SRPK2: variants seen among roughly 807,000 people sequenced by gnomAD.
SRPK2 encodes the protein SRSF protein kinase 2.
A neutral mutation model predicts 90.8 loss-of-function variants in SRPK2; 21 were observed. The observed-to-expected ratio is 0.23, with a 90% CI of 0.16 to 0.33. The LOEUF (loss-of-function observed/expected upper bound fraction) is 0.33. SRPK2 is among the 10% of genes least tolerant of loss of function. The pLI is 1.00. For synonymous variants in SRPK2, 288 were observed against 311.1 expected, an observed-to-expected ratio of 0.93 and a Z score of 0.78; for missense variants, 620 against 869.0, an observed-to-expected ratio of 0.71 and a Z score of 3.60.
chr7:105,185,746 ATCCAAGAATAAT>A (rs1485654190), intron 3 of SRPK2, among the ~76,000 whole-genome samples: 1 of 152,194 alleles, frequency 6.6e-6, no homozygotes. Context: ...TAGTTTTATA[ATCCAAGAATAAT>A]TCATGCTTTC....
chr7:105,125,849 C>A, intron 15 of SRPK2: 1 of 1,300,502 alleles, frequency 7.7e-7, no homozygotes, highest in Non-Finnish European at 1.0e-6. Flanking sequence ...CTTTCCCCAG[C>A]AGTTCAATGA....
chr7:105,171,019 A>AAAGAAAGAG (rs1791058379), intron 3 of SRPK2, among the ~76,000 whole-genome samples: 1 of 131,384 alleles, frequency 7.6e-6, no homozygotes, highest in African/African-American at 2.8e-5. Context: ...GAAAGAGAGG[A>AAAGAAAGAG]AGGAAGGAAG....
intron 1 of SRPK2, among the ~76,000 whole-genome samples, chr7:105,394,986 A>G (rs1054591141): frequency 6.6e-6 from 1 of 152,088 alleles, no homozygotes; most frequent in Admixed American, 6.6e-5. Context: ...CATCCTGGCC[A>G]ACAAGGTGAA....
chr7:105,346,003 G>A (rs990074578), intron 2 of SRPK2, among the ~76,000 whole-genome samples: 5 of 152,136 alleles, frequency 3.3e-5, no homozygotes, highest in African/African-American at 1.2e-4. Flanking sequence ...TCTCTCTGCT[G>A]ACTAGACATT....
intron 2 of SRPK2, among the ~76,000 whole-genome samples, chr7:105,245,636 C>A (rs965802894): frequency 6.6e-6 from 1 of 152,090 alleles, no homozygotes; most frequent in African/African-American, 2.4e-5. Context: ...CCGGTAGGAT[C>A]TAGTGACCAA....
intron 2 of SRPK2, chr7:105,268,993 C>T (rs889851900): frequency 8.5e-5 from 118 of 1,384,386 alleles, no homozygotes; most frequent in Non-Finnish European, 1.1e-4. Flanking sequence ...CGCAGTACTT[C>T]TGTTAGGACT....
rs148176101 is a variant in SRPK2, at chr7:105,341,858, T to C, written c.71+46790A>G. Among the ~76,000 whole-genome samples the C allele has an allele frequency of 1.3e-3, 204 of 152,016 alleles. 1 individual carries two copies. Among genetic ancestry groups the C allele is most frequent in the African/African-American group, 4.6e-3 (191 of 41,466 alleles). ...GGCCCGCGCCTGTAATCCCAGCTACTCGGAACGCTGAGACAGGAGAATCGC... is the reference window on the plus strand; with the variant it reads ...GGCCCGCGCCTGTAATCCCAGCTACCCGGAACGCTGAGACAGGAGAATCGC... On this transcript the variant is annotated intron_variant, in intron 2 of 15. Coordinates refer to ENST00000393651, the MANE Select transcript of SRPK2 (RefSeq NM_182692.3).
At chr7:105,241,900 A>G (rs574679165) in intron 2 of SRPK2, among the ~76,000 whole-genome samples, 5 of 152,254 alleles carry the variant, frequency 3.3e-5, no homozygotes, top group East Asian at 3.9e-4. Context: ...ATAAACGATG[A>G]AGAAAAGTAG....
At chr7:105,149,410 T>C (rs112958768) in intron 7 of SRPK2, among the ~76,000 whole-genome samples, 9 of 152,020 alleles carry the variant, frequency 5.9e-5, no homozygotes, top group Non-Finnish European at 7.4e-5. Context: ...ACGTGTTTGT[T>C]GCTGACCTTC....
In SRPK2 at chr7:105,142,489, ACCT is replaced by A. The variant is rs1803938227; in HGVS notation, c.1061-2_1061del. 1.8e-5 allele frequency: 29 copies of A among 1,601,802 alleles called. No individual in the cohort carries two copies. The highest frequency in any genetic ancestry group is 2.3e-5 in the Non-Finnish European group (27 of 1,175,730). On this transcript the variant is annotated splice_acceptor_variant and coding_sequence_variant, in exon 11 of 16. Coordinates refer to ENST00000393651, the MANE Select transcript of SRPK2 (RefSeq NM_182692.3). LOFTEE classifies it high-confidence loss of function. The stretch of plus-strand genomic sequence containing the variant: ...CTTTCTCTTCCTGGTCCTCAGCTTC[ACCT>A]TAAGAATTTGATGGGTCAAGAATTA...
At chr7:105,366,580 A>T (rs1819091021) in intron 2 of SRPK2, among the ~76,000 whole-genome samples, 1 of 151,908 alleles carries the variant, frequency 6.6e-6, no homozygotes, top group Admixed American at 6.6e-5. Context: ...ATATTGGGCC[A>T]GGCTGATCTC....
chr7:105,187,414 C>G (rs1374542675), intron 3 of SRPK2, among the ~76,000 whole-genome samples: 2 of 152,186 alleles, frequency 1.3e-5, no homozygotes, highest in African/African-American at 4.8e-5. Context: ...CATTTCATTG[C>G]TAAATTTCAC....
intron 11 of SRPK2, among the ~76,000 whole-genome samples, chr7:105,135,564 C>T (rs1206167937): frequency 2.0e-5 from 3 of 152,216 alleles, no homozygotes; most frequent in Non-Finnish European, 2.9e-5. Flanking sequence ...AGCCACAGAA[C>T]GATGTGATTT....
chr7:105,294,496 T>G (rs1809517797), intron 2 of SRPK2, among the ~76,000 whole-genome samples: 1 of 148,224 alleles, frequency 6.7e-6, no homozygotes, highest in Admixed American at 6.8e-5. Flanking sequence ...GATCTTTCTT[T>G]TTTGTTGTTG....
intron 3 of SRPK2, among the ~76,000 whole-genome samples, chr7:105,196,516 T>G (rs556029184): frequency 6.6e-6 from 1 of 152,298 alleles, no homozygotes; most frequent in Non-Finnish European, 1.5e-5. Context: ...CTGTGGAACC[T>G]TTAGCAGCAT....
intron 3 of SRPK2, chr7:105,189,161 C>A: frequency 6.5e-6 from 1 of 154,192 alleles, no homozygotes; most frequent in Non-Finnish European, 1.4e-5. Context: ...CTGCATCCAA[C>A]AGCAGCACCA....
At chr7:105,298,067 T>A (rs1217397972) in intron 2 of SRPK2, among the ~76,000 whole-genome samples, 1 of 152,184 alleles carries the variant, frequency 6.6e-6, no homozygotes, top group Non-Finnish European at 1.5e-5. Flanking sequence ...GTAATATTCA[T>A]CTTTTTCATG....
chr7:105,387,575 G>A (rs1384723416), intron 2 of SRPK2, among the ~76,000 whole-genome samples: 1 of 150,090 alleles, frequency 6.7e-6, no homozygotes, highest in Non-Finnish European at 1.5e-5. Context: ...GAAGGACCAA[G>A]GCCAACGAGA....
At chr7:105,379,752 G>A (rs902885519) in intron 2 of SRPK2, among the ~76,000 whole-genome samples, 38 of 152,334 alleles carry the variant, frequency 2.5e-4, no homozygotes, top group African/African-American at 8.7e-4. Context: ...GCCGAGGCGG[G>A]CAGATCACAA....
Sources: gnomAD v4.1 joint callset for allele counts (sites outside exome capture counted in the v4.1 genomes callset) on GRCh38, gnomAD v4.1.1 for gene constraint, MANE v1.5 for transcripts, NCBI Gene and HGNC (gene_info 2026-07-23, HGNC 2026-07-21) for gene names.